EML1: variants seen among roughly 807,000 people sequenced by gnomAD.
EML1 encodes the protein echinoderm microtubule-associated protein-like 1.
A neutral mutation model predicts 110.4 loss-of-function variants in EML1; 27 were observed. The ratio of observed to expected loss-of-function variants is 0.24; its 90% CI spans 0.18 to 0.34. The LOEUF is 0.34. Among genes scored for constraint, EML1 ranks in the 10% least tolerant of loss-of-function variants. The pLI is 1.00. For synonymous variants in EML1, 344 were observed against 385.8 expected (o/e 0.89, Z 1.27); for missense variants, 741 against 1,030.9 (o/e 0.72, Z 3.85).
rs181707387 is a variant in EML1 at position 99,857,064 on chromosome 14, G to A, written c.250+6029G>A. On this transcript the variant is annotated intron_variant, in intron 2 of 21. Coordinates refer to ENST00000262233, the MANE Select transcript of EML1 (RefSeq NM_004434.3). ...AGGCAGGTGGATCACTTGAGCCCAC[G>A]AGTTAGAGACTGGCCTGGGCAACAT... 7.6e-4 allele frequency among the ~76,000 whole-genome samples: 115 copies of A among 152,288 alleles called. 1 individual carries two copies. The highest frequency in any genetic ancestry group is 2.5e-3 in the African/African-American group (103 of 41,568).
chr14:99,744,708 C>A (rs781441324), intron 1 of EML1, among the ~76,000 whole-genome samples: 1 of 152,194 alleles, frequency 6.6e-6, no homozygotes, highest in East Asian at 1.9e-4. Flanking sequence ...CTCCCTCCCA[C>A]GGAGTTGCAT....
intron 9 of EML1, among the ~76,000 whole-genome samples, chr14:99,901,813 T>A (rs1311837978): frequency 6.6e-6 from 1 of 152,168 alleles, no homozygotes; most frequent in Non-Finnish European, 1.5e-5. Flanking sequence ...TGTGCCAACC[T>A]CCATCTCATT....
intron 4 of EML1, among the ~76,000 whole-genome samples, chr14:99,879,337 C>T (rs1384358935): frequency 6.6e-6 from 1 of 152,150 alleles, no homozygotes; most frequent in Non-Finnish European, 1.5e-5. Flanking sequence ...TTTTACCTAA[C>T]ATTGTACTTT....
intron 1 of EML1, among the ~76,000 whole-genome samples, chr14:99,793,763 C>G (rs2140233018): frequency 6.8e-6 from 1 of 147,430 alleles, no homozygotes; most frequent in African/African-American, 2.4e-5. Context: ...GGCTCCCCGC[C>G]GCCACCCCGG....
chr14:99,841,132 G>A (rs1422034434), intron 1 of EML1, among the ~76,000 whole-genome samples: 1 of 152,178 alleles, frequency 6.6e-6, no homozygotes, highest in East Asian at 1.9e-4. Flanking sequence ...GTCGTGTGCT[G>A]CCAAGTGGGA....
intron 1 of EML1, among the ~76,000 whole-genome samples, chr14:99,778,134 C>T (rs531044965): frequency 6.6e-6 from 1 of 152,134 alleles, no homozygotes; most frequent in Non-Finnish European, 1.5e-5. Context: ...CTGTTAATGT[C>T]CTGCCAGGAA....
intron 1 of EML1, among the ~76,000 whole-genome samples, chr14:99,836,753 A>G (rs1027855380): frequency 9.2e-5 from 14 of 152,034 alleles, no homozygotes; most frequent in African/African-American, 3.4e-4. Flanking sequence ...GATATTTTTG[A>G]ATTCCTATAA....
rs536059210 is a variant in EML1, at chr14:99,818,115, G to A, written c.67+24572G>A. On this transcript the variant is annotated intron_variant, in intron 1 of 21. Transcript: ENST00000262233. The stretch of plus-strand genomic sequence containing the variant: ...TAGGGCTGCAGTACAAGAGTTGGGG[G>A]TGGGGGCTCAGGGATAAGAGGGGGC... Among the ~76,000 whole-genome samples the A allele has an allele frequency of 2.0e-5, 3 of 152,178 alleles. No individual in the cohort carries two copies. The East Asian group carries it at 5.8e-4, about 29-fold the overall frequency.
At chr14:99,860,586 T>C (rs2058986762) in intron 2 of EML1, among the ~76,000 whole-genome samples, 1 of 152,200 alleles carries the variant, frequency 6.6e-6, no homozygotes, top group Admixed American at 6.5e-5. Context: ...TTTTTATACA[T>C]GGTAATGTGA....
chr14:99,813,281 C>CT (rs2058112106), intron 1 of EML1, among the ~76,000 whole-genome samples: 2 of 152,106 alleles, frequency 1.3e-5, no homozygotes, highest in Non-Finnish European at 2.9e-5. Context: ...AGCCACTTAG[C>CT]TTTTTTTCTT....
chr14:99,812,459 T>G (rs2058097858), intron 1 of EML1, among the ~76,000 whole-genome samples: 1 of 151,816 alleles, frequency 6.6e-6, no homozygotes, highest in South Asian at 2.1e-4. Context: ...GCTGACATAG[T>G]GGTACACAGC....
chr14:99,896,740 A>T (rs1418051611), intron 6 of EML1, among the ~76,000 whole-genome samples: 3 of 147,490 alleles, frequency 2.0e-5, no homozygotes, highest in African/African-American at 7.4e-5. Flanking sequence ...GAGGGGCCTG[A>T]TTTTTTTTTT....
At chr14:99,808,750 A>G (rs531228621) in intron 1 of EML1, among the ~76,000 whole-genome samples, 4 of 152,154 alleles carry the variant, frequency 2.6e-5, no homozygotes, top group Non-Finnish European at 5.9e-5. Context: ...GAATTTTTCA[A>G]GAGTAATTTC....
At chr14:99,818,839 G>A (rs1332341354) in intron 1 of EML1, among the ~76,000 whole-genome samples, 1 of 152,150 alleles carries the variant, frequency 6.6e-6, no homozygotes, top group Non-Finnish European at 1.5e-5. Context: ...CTGAGGCCTG[G>A]ATCGTCCTGG....
At chr14:99,883,809 C>T (rs1188397995) in intron 4 of EML1, among the ~76,000 whole-genome samples, 2 of 152,152 alleles carry the variant, frequency 1.3e-5, no homozygotes, top group Non-Finnish European at 2.9e-5. Flanking sequence ...GTTTCCAGCC[C>T]GAAGTACTTC....
At chr14:99,897,429 C>T (rs1359674260) in intron 7 of EML1, 135 bp downstream of exon 7, 4 of 946,210 alleles carry the variant, frequency 4.2e-6, no homozygotes, top group Admixed American at 3.4e-5. Flanking sequence ...AAATGTGATT[C>T]CTGTTGCACA....
In EML1 at chr14:99,793,452, G is replaced by T; in HGVS notation, c.-25G>T. 9.6e-7 allele frequency: 1 copy of T among 1,043,220 alleles called. No individual in the cohort carries two copies. Among genetic ancestry groups the T allele is most frequent in the Non-Finnish European group, 1.2e-6 (1 of 866,544 alleles). 64.6% of individuals were successfully genotyped at this position (1,043,220 alleles called of 1,614,324 possible). On this transcript the variant is annotated 5_prime_UTR_variant, in exon 1 of 22. Transcript: ENST00000262233. ...GGCGGCGGCGCGGCCGGGCCGGGGAGCGGGCGCGGCCCGGCGGCCTCAGCA... is the reference window on the plus strand; with the variant it reads ...GGCGGCGGCGCGGCCGGGCCGGGGATCGGGCGCGGCCCGGCGGCCTCAGCA...
chr14:99,753,086 C>T (rs1371640464), intron 1 of EML1, among the ~76,000 whole-genome samples: 4 of 151,890 alleles, frequency 2.6e-5, no homozygotes, highest in African/African-American at 4.8e-5. Flanking sequence ...GCAGCGAAGC[C>T]GGCACAGTGG....
chr14:99,894,638 A>G lies in EML1; in HGVS notation c.557A>G (p.Tyr186Cys), dbSNP rs1055155649. 7 of 1,612,304 alleles carry G rather than the reference A, an allele frequency of 4.3e-6. 1 individual carries two copies. The highest frequency in any genetic ancestry group is 3.4e-5 in the Admixed American group (2 of 59,654). Residue 186 changes from tyrosine (Y) to cysteine (C), a missense_variant, in exon 6 of 22, where the codon TAT becomes TGT. Tyr to Cys is a radical substitution (Grantham distance 194). Around this residue, in one of 4 missense-constraint regions of EML1, gnomAD observed 226 missense variants for 255.6 expected, o/e 0.88. Coordinates refer to ENST00000262233, the MANE Select transcript of EML1 (RefSeq NM_004434.3). ...TTTGTTCTTTTTGTAGAAGAAGGCTATGTAAAAATGTTTCTTCGTGGACGC... is the reference window on the plus strand; with the variant it reads ...TTTGTTCTTTTTGTAGAAGAAGGCTGTGTAAAAATGTTTCTTCGTGGACGC... ...KEPVFSAEEG[Y>C]VKMFLRGRPV...
Sources: gnomAD v4.1 joint callset for allele counts (sites outside exome capture counted in the v4.1 genomes callset) on GRCh38, gnomAD v4.1.1 for gene constraint, gnomAD v4.1.1 regional missense constraint, MANE v1.5 for transcripts, NCBI Gene and HGNC (gene_info 2026-07-23, HGNC 2026-07-21) for gene names.